Variants in MARCHF8 observed in about 807,000 individuals in gnomAD.
MARCHF8 encodes E3 ubiquitin-protein ligase MARCHF8.
A neutral mutation model predicts 51.6 loss-of-function variants in MARCHF8; 40 were observed. That is an observed-to-expected ratio of 0.77 (90% CI 0.60 to 1.01). The LOEUF (loss-of-function observed/expected upper bound fraction) is 1.01. Ranked by LOEUF, MARCHF8 falls within the 50% of genes least tolerant of loss-of-function variation. The probability of loss-of-function intolerance (pLI) is 0.00; values close to 1 mark genes in which losing one functional copy is unlikely to be tolerated. For missense variants in MARCHF8, 685 were observed against 708.6 expected (o/e 0.97, Z 0.38); for synonymous variants, 263 against 280.3 (o/e 0.94, Z 0.62).
At chr10:45,476,255 A>G in intron 3 of MARCHF8, among the ~76,000 whole-genome samples, 1 of 152,246 alleles carries the variant, frequency 6.6e-6, no homozygotes, top group Admixed American at 6.5e-5. Flanking sequence ...AAAAGAATTC[A>G]AAATAATGAT....
chr10:45,571,181 C>T (rs534327973), intron 1 of MARCHF8, among the ~76,000 whole-genome samples: 1 of 152,300 alleles, frequency 6.6e-6, no homozygotes, highest in Admixed American at 6.5e-5. Context: ...TAATGTCAGG[C>T]CTCTGAGCCC....
chr10:45,579,944 C>T (rs1429795747), intron 1 of MARCHF8, among the ~76,000 whole-genome samples: 4 of 123,306 alleles, frequency 3.2e-5, no homozygotes, highest in African/African-American at 6.2e-5. Context: ...ACTCGGGAGG[C>T]GGAGGTTGCA....
intron 2 of MARCHF8, among the ~76,000 whole-genome samples, chr10:45,506,989 C>T (rs11239542): frequency 0.11 from 16,970 of 152,220 alleles, 1,345 homozygotes; most frequent in Non-Finnish European, 0.17. Flanking sequence ...ATTTTTGCCA[C>T]TCTTGAGACT....
At chr10:45,548,727 G>A (rs1464705316) in intron 1 of MARCHF8, among the ~76,000 whole-genome samples, 1 of 152,150 alleles carries the variant, frequency 6.6e-6, no homozygotes, top group Non-Finnish European at 1.5e-5. Context: ...GTTTGGCCAG[G>A]CACGGTGGCT....
rs1054878240 is a variant in MARCHF8, at chr10:45,546,435, T to G, written c.-78-13146A>C. Among the ~76,000 whole-genome samples the G allele has an allele frequency of 2.0e-5, 3 of 152,068 alleles. No individual in the cohort carries two copies. In the East Asian group the frequency reaches 5.8e-4, roughly 29 times the overall value. On this transcript the variant is annotated intron_variant, in intron 1 of 6. Coordinates refer to the MARCHF8 transcript ENST00000319836. ...GCCTTGGCCTTCCAAAGTGCTGAGA[T>G]TACAGGCGTGAGCCACAGCGCCCGG... is the stretch of plus-strand genomic sequence containing the variant.
chr10:45,488,777 G>A (rs2043030419), intron 3 of MARCHF8, among the ~76,000 whole-genome samples: 1 of 152,092 alleles, frequency 6.6e-6, no homozygotes, highest in South Asian at 2.1e-4. Context: ...AAATATGGAG[G>A]GCTGTGTAAA....
chr10:45,522,360 C>A (rs748674820), intron 2 of MARCHF8, among the ~76,000 whole-genome samples: 9 of 152,088 alleles, frequency 5.9e-5, no homozygotes, highest in Non-Finnish European at 7.4e-5. Flanking sequence ...TTCATCTCCA[C>A]CACTTTCCAG....
chr10:45,484,632 G>T (rs2042948444), intron 3 of MARCHF8, among the ~76,000 whole-genome samples: 1 of 152,138 alleles, frequency 6.6e-6, no homozygotes, highest in Admixed American at 6.5e-5. Context: ...AACCCAAATG[G>T]GTGATAAAAT....
At chr10:45,461,642 A>C in intron 5 of MARCHF8, 1 of 360,052 alleles carries the variant, frequency 2.8e-6, no homozygotes, top group Non-Finnish European at 4.9e-6. Flanking sequence ...AGAAAGGAAA[A>C]AACGATGTAA....
intron 2 of MARCHF8, 47 bp from the exon 3 acceptor site, chr10:45,489,464 T>G (rs1324464955): frequency 4.0e-6 from 6 of 1,513,936 alleles, no homozygotes; most frequent in Non-Finnish European, 5.5e-6. Context: ...TTGATTAAAA[T>G]ATGCAAAGAA....
intron 2 of MARCHF8, among the ~76,000 whole-genome samples, chr10:45,519,402 G>A (rs1471633950): frequency 6.6e-6 from 1 of 151,470 alleles, no homozygotes; most frequent in Non-Finnish European, 1.5e-5. Context: ...AGACATAAGG[G>A]AAGGTTTGGG....
upstream of MARCHF8, among the ~76,000 whole-genome samples, chr10:45,540,156 C>T (rs1268343777): frequency 3.3e-5 from 5 of 152,180 alleles, no homozygotes; most frequent in African/African-American, 1.2e-4. Context: ...GCCATCCCCC[C>T]ATCAAGCTAC....
chr10:45,571,617 C>G (rs889984465), intron 1 of MARCHF8, among the ~76,000 whole-genome samples: 1 of 151,536 alleles, frequency 6.6e-6, no homozygotes, highest in Non-Finnish European at 1.5e-5. Context: ...GGAGATCAAT[C>G]CCCTGTCCTC....
chr10:45,511,606 C>T (rs984488646), intron 2 of MARCHF8, among the ~76,000 whole-genome samples: 3 of 152,258 alleles, frequency 2.0e-5, no homozygotes, highest in Non-Finnish European at 4.4e-5. Flanking sequence ...GACGGGGTTT[C>T]GCTGTGTTGG....
chr10:45,477,347 C>A (rs1473238676), intron 3 of MARCHF8, among the ~76,000 whole-genome samples: 3 of 152,142 alleles, frequency 2.0e-5, no homozygotes, highest in African/African-American at 7.2e-5. Context: ...GGGAATCCTA[C>A]ACATGGAAGC....
chr10:45,556,991 C>G (rs925861879), intron 1 of MARCHF8, among the ~76,000 whole-genome samples: 5 of 151,974 alleles, frequency 3.3e-5, no homozygotes, highest in Non-Finnish European at 7.4e-5. Context: ...ATCAAATTAA[C>G]TATCTGTAAG....
At chr10:45,578,054 G>A (rs927148429) in intron 1 of MARCHF8, among the ~76,000 whole-genome samples, 1 of 152,118 alleles carries the variant, frequency 6.6e-6, no homozygotes, top group Non-Finnish European at 1.5e-5. Flanking sequence ...ATTAAAATAT[G>A]GATATACATA....
intron 2 of MARCHF8, among the ~76,000 whole-genome samples, chr10:45,502,963 G>A (rs139284570): frequency 6.6e-6 from 1 of 152,186 alleles, no homozygotes; most frequent in East Asian, 1.9e-4. Flanking sequence ...TTCTATGAGG[G>A]GCTCTGAAGG....
chr10:45,552,275 T>C (rs921657851), intron 1 of MARCHF8, among the ~76,000 whole-genome samples: 1 of 151,718 alleles, frequency 6.6e-6, no homozygotes, highest in African/African-American at 2.4e-5. Context: ...AAACTAGTAG[T>C]TTTATTACTA....
Sources: allele counts gnomAD v4.1 joint callset (sites outside exome capture counted in the v4.1 genomes callset), GRCh38; gene constraint gnomAD v4.1.1; transcripts MANE v1.5; gene names NCBI Gene and HGNC (gene_info 2026-07-23, HGNC 2026-07-21).